RMC1: variants seen among roughly 807,000 people sequenced by gnomAD.
RMC1 encodes regulator of MON1-CCZ1.
RMC1 carries 44 observed loss-of-function variants against 95.5 expected under a neutral mutation model. The ratio of observed to expected loss-of-function variants is 0.46; its 90% CI spans 0.36 to 0.59. The LOEUF (loss-of-function observed/expected upper bound fraction) is 0.59. Ranked by LOEUF, RMC1 falls within the 20% of genes least tolerant of loss-of-function variation. The pLI is 0.00. For synonymous variants in RMC1, 320 were observed against 303.6 expected, an observed-to-expected ratio of 1.05 and a Z score of -0.56; for missense variants, 705 against 819.6, an observed-to-expected ratio of 0.86 and a Z score of 1.71.
intron 10 of RMC1, among the ~76,000 whole-genome samples, chr18:23,521,018 C>G (rs564269059): frequency 5.3e-5 from 8 of 151,828 alleles, no homozygotes; most frequent in African/African-American, 1.9e-4. Flanking sequence ...ACGCCTGGCC[C>G]AAATTTTTAT....
chr18:23,530,278 T>C lies in RMC1; in HGVS notation c.1649T>C (p.Leu550Pro), dbSNP rs749424259. ...LESFYPPAHQLSLDMLKRLST... is the reference protein window; with the variant it reads ...LESFYPPAHQPSLDMLKRLST... ...AGTTTCTATCCTCCTGCTCATCAGC[T>C]ATCTCTGGACATGCTGAAGGTAACT... Residue 550 changes from leucine to proline, a missense_variant, in exon 18 of 20, where the codon CTA becomes CCA. Transcript: ENST00000269221. 6.2e-7 allele frequency: 1 copy of C among 1,614,250 alleles called. No individual in the cohort carries two copies. The highest frequency in any genetic ancestry group is 8.5e-7 in the Non-Finnish European group (1 of 1,180,038).
At position 23,524,153 on chromosome 18, in the gene RMC1, T is replaced by C; in HGVS notation, c.985T>C (p.Ser329Pro). The C allele has an allele frequency of 1.9e-6, 3 of 1,614,080 alleles. No individual in the cohort carries two copies. Among genetic ancestry groups the C allele is most frequent in the Non-Finnish European group, 1.7e-6 (2 of 1,180,052 alleles). ...ITGPAAVTSQ[S>P]PVPCKLYSSS... ...AGGTCCTGCTGCCGTGACCAGCCAG[T>C]CTCCTGTTCCATGTAAACTCTGTAT... The change falls in exon 11 of 20, where the codon TCT becomes CCT. Residue 329 changes from serine (S) to proline (P), a missense_variant. Ser to Pro is a moderately conservative substitution (Grantham distance 74). Transcript: ENST00000269221.
intron 9 of RMC1, among the ~76,000 whole-genome samples, 159 bp from the exon 10 acceptor site, chr18:23,520,043 T>A (rs2058102180): frequency 6.6e-6 from 1 of 152,196 alleles, no homozygotes; most frequent in South Asian, 2.1e-4. Flanking sequence ...AGAGTTGTGA[T>A]GTTAATGACA....
At chr18:23,516,150 C>T (rs1447357531) in intron 6 of RMC1, among the ~76,000 whole-genome samples, 154 bp downstream of exon 6, 1 of 152,226 alleles carries the variant, frequency 6.6e-6, no homozygotes, top group Admixed American at 6.5e-5. Context: ...CCGTCAGCTC[C>T]TGGAGCCATT....
rs994399425 is a variant in RMC1, at chr18:23,530,019, T to C, written c.1495-9T>C. ...GAAGTGTTCTTTCACTTTTTACTTTTGTCCTCAGCATTACCTACATGAACT... is the reference window on the plus strand; with the variant it reads ...GAAGTGTTCTTTCACTTTTTACTTTCGTCCTCAGCATTACCTACATGAACT... On this transcript the variant is annotated splice_polypyrimidine_tract_variant and intron_variant, in intron 16 of 19. Transcript: ENST00000269221. 5 of 1,607,586 alleles carry C rather than the reference T, an allele frequency of 3.1e-6. No individual in the cohort carries two copies. The highest frequency in any genetic ancestry group is 1.7e-5 in the Admixed American group (1 of 59,950).
chr18:23,509,157 TATTA>T, intron 4 of RMC1, 32 bp from the exon 5 acceptor site: 2 of 847,896 alleles, frequency 2.4e-6, no homozygotes, highest in South Asian at 6.7e-5. Flanking sequence ...TGTTTTTTCT[TATTA>T]ATTAAAAATA....
chr18:23,513,305 C>T (rs2057913190), intron 5 of RMC1, among the ~76,000 whole-genome samples: 1 of 152,202 alleles, frequency 6.6e-6, no homozygotes. Context: ...CAGTATTTGT[C>T]CCTTTGTGAC....
upstream of RMC1, chr18:23,503,508 C>CCCAGAG (rs1389323233): frequency 5.1e-5 from 32 of 632,180 alleles, no homozygotes; most frequent in South Asian, 7.2e-4. Context: ...CCGCGCCGGG[C>CCCAGAG]CCAGAGCCGC....
intron 15 of RMC1, 98 bp from the exon 16 acceptor site, chr18:23,529,537 T>C (rs2058420451): frequency 2.3e-6 from 3 of 1,296,280 alleles, no homozygotes; most frequent in African/African-American, 1.5e-5. Context: ...CACTGGGCCA[T>C]TTTAAGATGG....
chr18:23,511,789 T>C (rs1339605823), intron 5 of RMC1, among the ~76,000 whole-genome samples: 1 of 152,146 alleles, frequency 6.6e-6, no homozygotes, highest in Non-Finnish European at 1.5e-5. Flanking sequence ...TTCCATTTTT[T>C]TGTGATTACA....
chr18:23,503,747 C>T (rs779685728), intron 1 of RMC1, 27 bp downstream of exon 1: 43 of 1,575,702 alleles, frequency 2.7e-5, no homozygotes, highest in Admixed American at 1.2e-4. Context: ...CTTCCTCCCC[C>T]GCGCGGCCCT....
chr18:23,505,197 A>G (rs2057682416), intron 2 of RMC1, among the ~76,000 whole-genome samples: 1 of 152,084 alleles, frequency 6.6e-6, no homozygotes, highest in South Asian at 2.1e-4. Flanking sequence ...AGCTGGGATT[A>G]GAGGCGCCCA....
At chr18:23,506,182 AAG>A (rs1429843015) in intron 2 of RMC1, 6 of 152,072 alleles carry the variant, frequency 3.9e-5, no homozygotes. Context: ...AAAAAAAAAA[AAG>A]ATTTTTAAAA....
rs146916676 is a variant in RMC1 at position 23,515,047 on chromosome 18, A to G, written c.409-809A>G. On this transcript the variant is annotated intron_variant, in intron 5 of 19. Transcript: ENST00000269221. ...GGAGCTCCTCCCAGGCCCAGTGTAG[A>G]CTGGAGTCGAGGTGGAGGCCAAGCA... is the stretch of plus-strand genomic sequence containing the variant. Among the ~76,000 whole-genome samples the G allele has an allele frequency of 3.2e-3, 485 of 152,134 alleles. 4 individuals are homozygous for G. Among genetic ancestry groups the G allele is most frequent in the African/African-American group, 0.011 (466 of 41,514 alleles).
intron 5 of RMC1, among the ~76,000 whole-genome samples, chr18:23,510,430 C>T (rs540877837): frequency 6.6e-6 from 1 of 152,004 alleles, no homozygotes; most frequent in Admixed American, 6.6e-5. Context: ...GGCAGATCAC[C>T]TGAGGTCAGG....
intron 9 of RMC1, among the ~76,000 whole-genome samples, chr18:23,519,468 AGATC>A (rs1324792462): frequency 6.6e-6 from 1 of 151,824 alleles, no homozygotes; most frequent in African/African-American, 2.4e-5. Context: ...CAGTGAGTGG[AGATC>A]GCGCCACTGC....
rs1032730717 is a variant in RMC1, at chr18:23,513,296, A to G, written c.409-2560A>G. Among the ~76,000 whole-genome samples the G allele has an allele frequency of 4.6e-5, 7 of 152,342 alleles. No homozygotes were observed. The East Asian group carries it at 1.3e-3, about 29-fold the overall frequency. On this transcript the variant is annotated intron_variant, in intron 5 of 19. Transcript: ENST00000269221. ...ATACTTCATATAAGTGAAATTATAC[A>G]GTATTTGTCCCTTTGTGACTGGCTT...
chr18:23,503,983 C>T (rs2057654485), intron 1 of RMC1, among the ~76,000 whole-genome samples: 1 of 152,198 alleles, frequency 6.6e-6, no homozygotes. Flanking sequence ...GTTGGCGCGC[C>T]CGTCTTATCT....
At chr18:23,505,670 A>G (rs554687357) in intron 2 of RMC1, among the ~76,000 whole-genome samples, 2 of 152,312 alleles carry the variant, frequency 1.3e-5, no homozygotes, top group Middle Eastern at 3.4e-3. Flanking sequence ...GAGAGTAGCA[A>G]TCAGCGAGCC....
Sources: gnomAD v4.1 joint callset for allele counts (sites outside exome capture counted in the v4.1 genomes callset) on GRCh38, gnomAD v4.1.1 for gene constraint, MANE v1.5 for transcripts, NCBI Gene and HGNC (gene_info 2026-07-23, HGNC 2026-07-21) for gene names.